The following ENTPD7 variants were observed in gnomAD, a reference collection of about 807,000 sequenced individuals.
The protein encoded by ENTPD7 is ectonucleoside triphosphate diphosphohydrolase 7.
In ENTPD7, 53 loss-of-function variants were observed where a neutral mutation model predicts 77.9. That is an observed-to-expected ratio of 0.68 (90% CI 0.55 to 0.85). The LOEUF is 0.85. ENTPD7 is among the 40% of genes least tolerant of loss of function. ENTPD7 has a pLI of 0.00. For synonymous variants in ENTPD7, 248 were observed against 274.9 expected (o/e 0.90, Z 0.97); for missense variants, 636 against 743.7 (o/e 0.86, Z 1.68).
Position 99,707,172 on chromosome 10 carries a change from G to A in ENTPD7, c.*2489G>A, listed in dbSNP as rs141079468. On this transcript the variant is annotated 3_prime_UTR_variant, in exon 13 of 13. Coordinates refer to ENST00000370489, the MANE Select transcript of ENTPD7 (RefSeq NM_020354.5). The stretch of plus-strand genomic sequence containing the variant: ...TCTTATTCTTATTTTGTCTTGGAGT[G>A]TTTAATGTGTTATTTCCTGTTCATT... 2.0e-5 allele frequency among the ~76,000 whole-genome samples: 3 copies of A among 152,202 alleles called. No homozygotes were observed. In the East Asian group the frequency reaches 5.8e-4, roughly 29 times the overall value.
chr10:99,709,500 A>G lies in ENTPD7; in HGVS notation c.*4817A>G, dbSNP rs1276536079. The G allele has an allele frequency of 1.0e-6, 1 of 984,898 alleles. No individual in the cohort carries two copies. Among genetic ancestry groups the G allele is most frequent in the African/African-American group, 1.7e-5 (1 of 57,228 alleles). The allele number at this position is 984,898 out of a possible 1,614,324, so 61.0% of individuals were successfully genotyped here. ...TGCTGTTAAAAAACTAAGACTCAAA[A>G]CCAAAAGTTGTGATTAATAATAACA... On this transcript the variant is annotated 3_prime_UTR_variant, in exon 13 of 13. Coordinates refer to ENST00000370489, the MANE Select transcript of ENTPD7 (RefSeq NM_020354.5).
In ENTPD7 at chr10:99,704,579, C is replaced by T. The variant is rs760817453; in HGVS notation, c.1711C>T (p.Arg571Trp). Residue 571 changes from arginine (R) to tryptophan (W), a missense_variant, in exon 13 of 13, where the codon CGG (arginine) becomes TGG (tryptophan). By Grantham distance (101) the Arg-to-Trp change is moderately radical. Transcript: ENST00000370489. Reference sequence around the variant, plus strand: ...ACTGGCCATCTTCCTATACCTTCTGCGGCTACGCCGAATTCACCACCGACA... The same window carrying T: ...ACTGGCCATCTTCCTATACCTTCTGTGGCTACGCCGAATTCACCACCGACA... ...VLLAIFLYLL[R>W]LRRIHHRQTR... is the part of the protein sequence containing the mutation. The T allele has an allele frequency of 1.3e-5, 21 of 1,614,060 alleles. No individual in the cohort carries two copies. Among genetic ancestry groups the T allele is most frequent in the East Asian group, 8.9e-5 (4 of 44,894 alleles).
intron 8 of ENTPD7, among the ~76,000 whole-genome samples, chr10:99,692,737 CATA>C (rs1378287481): frequency 6.6e-6 from 1 of 151,906 alleles, no homozygotes; most frequent in Non-Finnish European, 1.5e-5. Context: ...TGAGTGCTAT[CATA>C]AGGGGACTGG....
At chr10:99,674,716 C>T (rs1177100416) in intron 3 of ENTPD7, among the ~76,000 whole-genome samples, 2 of 152,164 alleles carry the variant, frequency 1.3e-5, no homozygotes, top group Non-Finnish European at 2.9e-5. Context: ...ACATTTGGGT[C>T]GCTTCCATCT....
intron 8 of ENTPD7, among the ~76,000 whole-genome samples, chr10:99,691,724 A>G (rs2035886624): frequency 2.0e-5 from 3 of 152,170 alleles, no homozygotes; most frequent in Admixed American, 2.0e-4. Context: ...TACCTCATAA[A>G]GTTATGAGGA....
intron 5 of ENTPD7, among the ~76,000 whole-genome samples, chr10:99,681,291 T>TTTAC (rs1475872188): frequency 2.6e-5 from 4 of 151,768 alleles, no homozygotes; most frequent in African/African-American, 9.7e-5. Context: ...TATTTATTTA[T>TTTAC]TTACTGAGAC....
At chr10:99,703,248 C>T (rs199878269) in intron 12 of ENTPD7, among the ~76,000 whole-genome samples, 1 of 152,244 alleles carries the variant, frequency 6.6e-6, no homozygotes, top group East Asian at 1.9e-4. Context: ...TTTTTAGGTA[C>T]CTGTACCCTG....
At chr10:99,685,507 G>T (rs1244543308) in intron 5 of ENTPD7, among the ~76,000 whole-genome samples, 1 of 152,182 alleles carries the variant, frequency 6.6e-6, no homozygotes, top group Non-Finnish European at 1.5e-5. Flanking sequence ...GAGAGTCATA[G>T]AACCGTAGTC....
chr10:99,660,526 G>GCACACACA (rs68112730), intron 2 of ENTPD7: 31 of 283,330 alleles, frequency 1.1e-4, no homozygotes, highest in South Asian at 2.6e-4. Context: ...GAATGGATAC[G>GCACACACA]CACACACACA....
intron 3 of ENTPD7, among the ~76,000 whole-genome samples, chr10:99,671,316 A>T (rs1166235798): frequency 6.6e-6 from 1 of 152,166 alleles, no homozygotes; most frequent in Non-Finnish European, 1.5e-5. Context: ...GACTAACACA[A>T]CTTAAAACAC....
Position 99,710,842 on chromosome 10 carries a change from C to T in ENTPD7, c.*6159C>T. On this transcript the variant is annotated 3_prime_UTR_variant, in exon 13 of 13. Transcript: ENST00000370489. ...AGATAGTATTTGTCAGTCTAAGTTA[C>T]AGACAAAAAATTCTAGGTTGACTGA... is the stretch of plus-strand genomic sequence containing the variant. The T allele has an allele frequency of 1.0e-6, 1 of 985,368 alleles. No homozygotes were observed. The highest frequency in any genetic ancestry group is 1.2e-6 in the Non-Finnish European group (1 of 829,904). 61.0% of individuals were successfully genotyped at this position (985,368 alleles called of 1,614,324 possible).
chr10:99,660,057 C>A, intron 2 of ENTPD7, 93 bp downstream of exon 2: 2 of 1,581,164 alleles, frequency 1.3e-6, no homozygotes, highest in Non-Finnish European at 1.7e-6. Flanking sequence ...GTGAGGTTTG[C>A]CCTGGAGCTG....
At chr10:99,695,002 G>C (rs2133489095) in intron 8 of ENTPD7, among the ~76,000 whole-genome samples, 1 of 152,274 alleles carries the variant, frequency 6.6e-6, no homozygotes, top group South Asian at 2.1e-4. Context: ...CCATGGCAGA[G>C]AATGGAATGA....
rs1165699189 is a variant in ENTPD7 at position 99,705,340 on chromosome 10, G to A, written c.*657G>A. 1 of 152,898 alleles carries A rather than the reference G, an allele frequency of 6.5e-6. No homozygotes were observed. The allele number at this position is 152,898 out of a possible 1,614,324, so 9.5% of individuals were successfully genotyped here. ...AGAACCCCTTCTAAATGAATGGTCT[G>A]TGGAAGATTTTAGTATCTTATCTGA... On this transcript the variant is annotated 3_prime_UTR_variant, in exon 13 of 13. Transcript: ENST00000370489.
At chr10:99,686,695 TATGTGTC>T (rs1454433651) in intron 6 of ENTPD7, among the ~76,000 whole-genome samples, 1 of 152,106 alleles carries the variant, frequency 6.6e-6, no homozygotes, top group Admixed American at 6.5e-5. Context: ...AATTCCAATA[TATGTGTC>T]ATCTCAGAGT....
Position 99,691,489 on chromosome 10 carries a change from A to G in ENTPD7, c.814A>G (p.Thr272Ala), listed in dbSNP as rs763499551. The G allele has an allele frequency of 3.1e-6, 5 of 1,614,010 alleles. No homozygotes were observed. The South Asian group carries it at 5.5e-5, about 18-fold the overall frequency. Residue 272 changes from threonine to alanine, a missense_variant, in exon 8 of 13, where the codon ACC (threonine) becomes GCC (alanine). Thr to Ala is a moderately conservative substitution (Grantham distance 58, BLOSUM62 0). Coordinates refer to ENST00000370489, the MANE Select transcript of ENTPD7 (RefSeq NM_020354.5). ...ASLQIAYEVP[T>A]STSVLPAKQE... ...TCTCCAAATTGCTTATGAAGTTCCT[A>G]CCTCAACCTCTGTCCTTCCTGCAAA...
At chr10:99,679,922 A>G in intron 5 of ENTPD7, 47 bp downstream of exon 5, 3 of 1,578,292 alleles carry the variant, frequency 1.9e-6, no homozygotes, top group Non-Finnish European at 2.6e-6. Flanking sequence ...GGCACAAGAG[A>G]TGAAAGGCCA....
chr10:99,660,526 GCACA>G (rs68112730), intron 2 of ENTPD7: 70,357 of 280,534 alleles, frequency 0.25, 7,257 homozygotes, highest in Admixed American at 0.31. Context: ...GAATGGATAC[GCACA>G]CACACACACA....
intron 11 of ENTPD7, 75 bp from the exon 12 acceptor site, chr10:99,702,437 G>A: frequency 1.6e-6 from 2 of 1,289,732 alleles, no homozygotes; most frequent in East Asian, 2.6e-5. Flanking sequence ...GTGGGAATAC[G>A]GAGTGGCTTA....
Sources: gnomAD v4.1 joint callset for allele counts (sites outside exome capture counted in the v4.1 genomes callset) on GRCh38, gnomAD v4.1.1 for gene constraint, MANE v1.5 for transcripts, NCBI Gene and HGNC (gene_info 2026-07-23, HGNC 2026-07-21) for gene names.